The following CNIH3 variants were observed in gnomAD, a reference collection of about 807,000 sequenced individuals.
The protein encoded by CNIH3 is cornichon family AMPA receptor auxiliary protein 3, also known as protein cornichon homolog 3.
Under a neutral mutation model 24.1 loss-of-function variants are expected in CNIH3, and 14 were observed. The observed-to-expected ratio is 0.58, with a 90% CI of 0.38 to 0.91. CNIH3 has a LOEUF of 0.91. CNIH3 is among the 40% of genes least tolerant of loss of function. The pLI is 0.00. For synonymous variants in CNIH3, 68 were observed against 73.8 expected (o/e 0.92, Z 0.40); for missense variants, 178 against 196.8 (o/e 0.90, Z 0.57).
chr1:224,577,448 C>T (rs184454307), intron 4 of CNIH3, among the ~76,000 whole-genome samples: 8 of 151,802 alleles, frequency 5.3e-5, no homozygotes, highest in African/African-American at 9.7e-5. Flanking sequence ...ATGCCCAACA[C>T]GAAAAAATGC....
At chr1:224,552,205 A>C (rs1679950690) in intron 3 of CNIH3, among the ~76,000 whole-genome samples, 1 of 151,418 alleles carries the variant, frequency 6.6e-6, no homozygotes, top group Non-Finnish European at 1.5e-5. Context: ...AGATATTACC[A>C]ATAATATCAC....
At chr1:224,438,160 G>A (rs910071836) in intron 1 of CNIH3, among the ~76,000 whole-genome samples, 7 of 151,618 alleles carry the variant, frequency 4.6e-5, no homozygotes, top group African/African-American at 7.3e-5. Flanking sequence ...TCCTGACCTC[G>A]TGATCTGCCC....
intron 1 of CNIH3, among the ~76,000 whole-genome samples, chr1:224,499,285 T>TAC (rs1677561200): frequency 6.6e-6 from 1 of 152,238 alleles, no homozygotes; most frequent in Admixed American, 6.5e-5. Flanking sequence ...CTCTGCTGTA[T>TAC]ACACTAAGCT....
chr1:224,698,979 C>T (rs1005755262), intron 3 of CNIH3, among the ~76,000 whole-genome samples: 2 of 134,382 alleles, frequency 1.5e-5, no homozygotes, highest in African/African-American at 2.6e-5. Flanking sequence ...AGATGGGGAG[C>T]TGAGAGGTCA....
At chr1:224,542,518 A>G (rs529346821), downstream of CNIH3, among the ~76,000 whole-genome samples, 5 of 152,358 alleles carry the variant, frequency 3.3e-5, no homozygotes, top group East Asian at 5.8e-4. Context: ...AAGAGAAACT[A>G]TGGCAGCCTC....
chr1:224,453,153 A>T (rs1027656928), intron 1 of CNIH3, among the ~76,000 whole-genome samples: 3 of 151,470 alleles, frequency 2.0e-5, no homozygotes, highest in Non-Finnish European at 4.4e-5. Context: ...ATACACATAT[A>T]ATATATATAT....
chr1:224,471,260 C>T lies in CNIH3; in HGVS notation n.203+36398C>T, dbSNP rs553302977. On this transcript the variant is annotated intron_variant and non_coding_transcript_variant, in intron 1 of 5. Transcript: ENST00000471578. ...AGGAGTTCGAGACCAGAACTCCTGA[C>T]CTCATGTGATCTGCCCGCCTTGGCC... Among the ~76,000 whole-genome samples, 4 of 152,244 alleles carry T rather than the reference C, an allele frequency of 2.6e-5. No individual in the cohort carries two copies. The East Asian group carries it at 5.8e-4, about 22-fold the overall frequency.
intron 3 of CNIH3, among the ~76,000 whole-genome samples, chr1:224,708,751 T>TCTCCTTTTTCTCTC (rs1244184593): frequency 6.6e-6 from 1 of 152,180 alleles, no homozygotes. Flanking sequence ...CACGCATGTC[T>TCTCCTTTTTCTCTC]CTCCTTTTTC....
At chr1:224,610,604 C>T (rs1428967480) in intron 3 of CNIH3, among the ~76,000 whole-genome samples, 1 of 152,130 alleles carries the variant, frequency 6.6e-6, no homozygotes, top group East Asian at 1.9e-4. Context: ...TATAAATTAC[C>T]CAGTCTCAGG....
At chr1:224,479,826 C>A (rs1323210303) in intron 1 of CNIH3, among the ~76,000 whole-genome samples, 1 of 152,228 alleles carries the variant, frequency 6.6e-6, no homozygotes, top group African/African-American at 2.4e-5. Context: ...CTCCTGGCTG[C>A]TTTCATGGGC....
intron 3 of CNIH3, among the ~76,000 whole-genome samples, chr1:224,729,484 G>T (rs1429865411): frequency 6.8e-6 from 1 of 146,610 alleles, no homozygotes; most frequent in Non-Finnish European, 1.5e-5. Flanking sequence ...AAAAGATTTT[G>T]ATGGGAAGAA....
intron 1 of CNIH3, among the ~76,000 whole-genome samples, chr1:224,506,002 T>G (rs1385749967): frequency 6.6e-6 from 1 of 152,204 alleles, no homozygotes; most frequent in Non-Finnish European, 1.5e-5. Flanking sequence ...ACTTTGGAAG[T>G]ATACTCCCTC....
rs528544749 is a variant in CNIH3, at chr1:224,735,820, T to A, written c.455+1114T>A. ...TGTGTGTCACCATGCCCGGCTATAT[T>A]TTTTTTTTTTAATTTTAAAATTTTT... On this transcript the variant is annotated intron_variant, in intron 5 of 5. Transcript: ENST00000272133. Among the ~76,000 whole-genome samples the A allele has an allele frequency of 3.2e-4, 48 of 148,496 alleles. 1 individual carries two copies. The highest frequency in any genetic ancestry group is 1.5e-3 in the South Asian group (7 of 4,680).
intron 1 of CNIH3, among the ~76,000 whole-genome samples, chr1:224,473,646 G>T (rs546149177): frequency 6.6e-6 from 1 of 152,242 alleles, no homozygotes; most frequent in South Asian, 2.1e-4. Context: ...ACACAGGTAT[G>T]TAAAGGAAAT....
intron 3 of CNIH3, among the ~76,000 whole-genome samples, chr1:224,724,058 T>C (rs538013866): frequency 3.3e-5 from 5 of 152,222 alleles, no homozygotes; most frequent in African/African-American, 1.2e-4. Flanking sequence ...AACAAAAAAT[T>C]TTAAAAAATT....
At chr1:224,658,886 A>G (rs1685218498) in intron 1 of CNIH3, among the ~76,000 whole-genome samples, 1 of 152,206 alleles carries the variant, frequency 6.6e-6, no homozygotes, top group South Asian at 2.1e-4. Context: ...AATTTTATCT[A>G]ATTTTAATCA....
At chr1:224,699,375 C>A (rs1333142570) in intron 3 of CNIH3, among the ~76,000 whole-genome samples, 1 of 152,216 alleles carries the variant, frequency 6.6e-6, no homozygotes, top group Non-Finnish European at 1.5e-5. Flanking sequence ...CTTCTCCTGG[C>A]CCTTCGGCAG....
intron 3 of CNIH3, among the ~76,000 whole-genome samples, chr1:224,725,981 G>A (rs1255481866): frequency 6.6e-6 from 1 of 152,108 alleles, no homozygotes; most frequent in African/African-American, 2.4e-5. Flanking sequence ...GTCATTGATG[G>A]GATAAAACAG....
intron 1 of CNIH3, among the ~76,000 whole-genome samples, chr1:224,477,097 G>C (rs1676617897): frequency 6.6e-6 from 1 of 152,224 alleles, no homozygotes; most frequent in Non-Finnish European, 1.5e-5. Context: ...GCCCCATTGA[G>C]AAAGCAAGCA....
Sources: allele counts gnomAD v4.1 joint callset (sites outside exome capture counted in the v4.1 genomes callset), GRCh38; gene constraint gnomAD v4.1.1; transcripts MANE v1.5; gene names NCBI Gene and HGNC (gene_info 2026-07-23, HGNC 2026-07-21).